The following CALD1 variants were observed in gnomAD, a reference collection of about 807,000 sequenced individuals.
The protein encoded by CALD1 is caldesmon 1, also known as caldesmon.
Under a neutral mutation model 99.9 loss-of-function variants are expected in CALD1, and 33 were observed. The observed-to-expected ratio is 0.33, with a 90% confidence interval of 0.25 to 0.44. CALD1 has a LOEUF of 0.44. Among genes scored for constraint, CALD1 ranks in the 20% least tolerant of loss-of-function variants. The pLI is 1.00. For synonymous variants in CALD1, 310 were observed against 325.0 expected, an observed-to-expected ratio of 0.95 and a Z score of 0.50; for missense variants, 861 against 962.1, an observed-to-expected ratio of 0.89 and a Z score of 1.39.
chr7:134,784,997 C>T (rs1378423634), intron 1 of CALD1, among the ~76,000 whole-genome samples: 3 of 152,138 alleles, frequency 2.0e-5, no homozygotes, highest in African/African-American at 7.2e-5. Flanking sequence ...ACATCAAAGG[C>T]ACAGGCGCGC....
rs1162510151 is a variant in CALD1, at chr7:134,783,539, G to A, written c.-130+3790G>A. On this transcript the variant is annotated intron_variant, in intron 1 of 14. Transcript: ENST00000361675. The surrounding 1 kb of genome is among the most constrained non-coding windows in gnomAD (Gnocchi z 4.3). ...CCAAACTCATAATTGGCAGGCTGTGGGTAAGGCTATGGGAGCGGGGTCGGG... is the reference window on the plus strand; with the variant it reads ...CCAAACTCATAATTGGCAGGCTGTGAGTAAGGCTATGGGAGCGGGGTCGGG... Among the ~76,000 whole-genome samples the A allele has an allele frequency of 2.0e-5, 3 of 152,150 alleles. No individual in the cohort carries two copies. Among genetic ancestry groups the A allele is most frequent in the Non-Finnish European group, 4.4e-5 (3 of 68,024 alleles).
intron 1 of CALD1, among the ~76,000 whole-genome samples, chr7:134,759,274 C>G (rs1238806399): frequency 6.6e-6 from 1 of 152,210 alleles, no homozygotes; most frequent in East Asian, 1.9e-4. Flanking sequence ...AGATCTGTCT[C>G]TGTCTTCAAA....
chr7:134,892,272 G>T (rs1475662238), intron 3 of CALD1, among the ~76,000 whole-genome samples: 2 of 152,162 alleles, frequency 1.3e-5, no homozygotes, highest in Non-Finnish European at 2.9e-5. Context: ...GTGCAATGCT[G>T]TCTTTCAATA....
At chr7:134,889,191 C>G (rs1802024001) in intron 3 of CALD1, among the ~76,000 whole-genome samples, 2 of 152,216 alleles carry the variant, frequency 1.3e-5, no homozygotes, top group African/African-American at 4.8e-5. Context: ...TGGCACAGGT[C>G]TCACTGGGCT....
chr7:134,814,748 G>C (rs1314800859), intron 1 of CALD1, among the ~76,000 whole-genome samples: 4 of 152,180 alleles, frequency 2.6e-5, no homozygotes, highest in Admixed American at 6.5e-5. Flanking sequence ...GCACACCCCT[G>C]TTGGAAAAGA....
chr7:134,883,797 G>C (rs753893562), intron 3 of CALD1, among the ~76,000 whole-genome samples: 2 of 152,220 alleles, frequency 1.3e-5, no homozygotes, highest in Non-Finnish European at 2.9e-5. Context: ...CACGATATTA[G>C]TGAGTGTAAA....
intron 1 of CALD1, among the ~76,000 whole-genome samples, chr7:134,812,982 A>G (rs1798411189): frequency 6.6e-6 from 1 of 152,220 alleles, no homozygotes; most frequent in African/African-American, 2.4e-5. Context: ...AGAGTGGCCA[A>G]TGGGGCAGAA....
intron 1 of CALD1, among the ~76,000 whole-genome samples, chr7:134,809,195 C>T (rs1798263098): frequency 6.6e-6 from 1 of 152,198 alleles, no homozygotes; most frequent in African/African-American, 2.4e-5. Context: ...AGTATACGTA[C>T]TACAATCCTG....
intron 3 of CALD1, among the ~76,000 whole-genome samples, chr7:134,927,603 T>A (rs913536659): frequency 1.4e-5 from 2 of 147,016 alleles, no homozygotes; most frequent in African/African-American, 2.5e-5. Flanking sequence ...ACATGTGAAG[T>A]CCTCTGTGTC....
chr7:134,884,218 T>C (rs1801744318), intron 3 of CALD1, among the ~76,000 whole-genome samples: 1 of 152,120 alleles, frequency 6.6e-6, no homozygotes, highest in African/African-American at 2.4e-5. Flanking sequence ...ACCTTGAATC[T>C]CAGGGTTGGT....
intron 1 of CALD1, among the ~76,000 whole-genome samples, chr7:134,771,850 C>A (rs1796880342): frequency 6.6e-6 from 1 of 152,148 alleles, no homozygotes; most frequent in Non-Finnish European, 1.5e-5. Context: ...TGACTTTATT[C>A]ATGTCTCTGT....
chr7:134,833,838 G>T (rs895172560), intron 1 of CALD1, among the ~76,000 whole-genome samples: 1 of 152,178 alleles, frequency 6.6e-6, no homozygotes, highest in African/African-American at 2.4e-5. Flanking sequence ...ACTGGAAATA[G>T]AATCCCAAGC....
At chr7:134,765,426 A>G (rs1796817013) in intron 1 of CALD1, among the ~76,000 whole-genome samples, 1 of 152,128 alleles carries the variant, frequency 6.6e-6, no homozygotes, top group Admixed American at 6.5e-5. Context: ...TTAAAACCCT[A>G]GTAAGATAGG....
intron 1 of CALD1, among the ~76,000 whole-genome samples, chr7:134,807,636 G>A (rs1798196330): frequency 2.0e-5 from 3 of 152,122 alleles, no homozygotes. Flanking sequence ...ATAATAACTG[G>A]TGTTATGAAA....
At chr7:134,923,621 A>G (rs899504311) in intron 3 of CALD1, among the ~76,000 whole-genome samples, 5 of 152,224 alleles carry the variant, frequency 3.3e-5, no homozygotes, top group Admixed American at 3.3e-4. Flanking sequence ...AGCATTTCAA[A>G]TACATTTAAA....
At chr7:134,828,565 C>A (rs1799097222) in intron 1 of CALD1, among the ~76,000 whole-genome samples, 1 of 152,084 alleles carries the variant, frequency 6.6e-6, no homozygotes, top group South Asian at 2.1e-4. Flanking sequence ...GGTTAGAAAC[C>A]CAGCATTTGA....
intron 3 of CALD1, chr7:134,891,715 T>A: frequency 7.6e-7 from 1 of 1,310,196 alleles, no homozygotes; most frequent in Non-Finnish European, 1.0e-6. Flanking sequence ...CCTTTCTTTT[T>A]TTTTTTTATA....
intron 1 of CALD1, chr7:134,745,535 A>G (rs930859444): frequency 6.6e-6 from 1 of 152,218 alleles, no homozygotes; most frequent in Non-Finnish European, 1.5e-5. Context: ...AATTGAAAGC[A>G]GAAAGATTTG....
intron 1 of CALD1, among the ~76,000 whole-genome samples, chr7:134,788,646 C>T (rs1797400608): frequency 3.3e-5 from 5 of 152,150 alleles, no homozygotes; most frequent in Admixed American, 3.3e-4. Context: ...TTGGCTTTTT[C>T]AGTGCTGTGA....
Sources: gnomAD v4.1 joint callset for allele counts (sites outside exome capture counted in the v4.1 genomes callset) on GRCh38, gnomAD v4.1.1 for gene constraint, Gnocchi (gnomAD v3.1) non-coding constraint, MANE v1.5 for transcripts, NCBI Gene and HGNC (gene_info 2026-07-23, HGNC 2026-07-21) for gene names.